TTLL11: variants seen among roughly 807,000 people sequenced by gnomAD.
The protein encoded by TTLL11 is tubulin polyglutamylase TTLL11.
In TTLL11, 42 loss-of-function variants were observed where a neutral mutation model predicts 51.7. The ratio of observed to expected loss-of-function variants is 0.81; its 90% CI spans 0.64 to 1.05. The LOEUF (loss-of-function observed/expected upper bound fraction) is 1.05. Ranked by LOEUF, TTLL11 falls within the 50% of genes least tolerant of loss-of-function variation. TTLL11 has a pLI of 0.00. For missense variants in TTLL11, 799 were observed against 940.4 expected, an observed-to-expected ratio of 0.85 and a Z score of 1.97; for synonymous variants, 381 against 383.5, an observed-to-expected ratio of 0.99 and a Z score of 0.08.
At position 121,967,857 on chromosome 9, in the gene TTLL11, C is replaced by T. The variant is rs148660325; in HGVS notation, c.1481+6152G>A. ...CACAAGCCACAACAAGGGTGAACTT[C>T]GAAAATATTATACTAAGTGAAAGAA... On this transcript the variant is annotated intron_variant, in intron 6 of 8. Coordinates refer to ENST00000321582, the MANE Select transcript of TTLL11 (RefSeq NM_001139442.2). Among the ~76,000 whole-genome samples the T allele has an allele frequency of 8.2e-4, 125 of 152,168 alleles. 1 individual carries two copies. Among genetic ancestry groups the T allele is most frequent in the Admixed American group, 4.1e-3 (63 of 15,288 alleles).
At chr9:122,014,061 G>A (rs1373386232) in intron 3 of TTLL11, among the ~76,000 whole-genome samples, 1 of 152,124 alleles carries the variant, frequency 6.6e-6, no homozygotes, top group Non-Finnish European at 1.5e-5. Context: ...CAGTGAAAAG[G>A]TAGAGTCCTG....
At chr9:121,860,785 C>T (rs1837982985) in intron 7 of TTLL11, among the ~76,000 whole-genome samples, 1 of 152,232 alleles carries the variant, frequency 6.6e-6, no homozygotes, top group Non-Finnish European at 1.5e-5. Flanking sequence ...TGATCTTGGT[C>T]TTCCCAGCCT....
At chr9:121,979,396 G>A (rs1221667619) in intron 4 of TTLL11, among the ~76,000 whole-genome samples, 2 of 152,168 alleles carry the variant, frequency 1.3e-5, no homozygotes, top group African/African-American at 4.8e-5. Context: ...GAGATAGTGG[G>A]TATTTGTTGT....
chr9:122,010,703 G>C (rs1296639514), intron 3 of TTLL11, among the ~76,000 whole-genome samples: 1 of 152,128 alleles, frequency 6.6e-6, no homozygotes, highest in Non-Finnish European at 1.5e-5. Context: ...GCTTTCCATG[G>C]GCATTTGAAT....
At chr9:121,900,190 G>A (rs1839719468) in intron 6 of TTLL11, among the ~76,000 whole-genome samples, 2 of 152,236 alleles carry the variant, frequency 1.3e-5, no homozygotes, top group South Asian at 4.2e-4. Context: ...CTTTAGTGAG[G>A]GTCTGTTGCT....
At chr9:121,950,229 G>A (rs528313638) in intron 6 of TTLL11, among the ~76,000 whole-genome samples, 1 of 152,170 alleles carries the variant, frequency 6.6e-6, no homozygotes, top group South Asian at 2.1e-4. Context: ...CTCCTCAAAT[G>A]ATGTTGGGAT....
chr9:121,867,423 G>C (rs1838212426), intron 7 of TTLL11, among the ~76,000 whole-genome samples: 1 of 152,114 alleles, frequency 6.6e-6, no homozygotes, highest in African/African-American at 2.4e-5. Flanking sequence ...GATGCTTCCT[G>C]CCTAACCTGT....
chr9:122,005,165 T>C (rs1843606580), intron 3 of TTLL11, among the ~76,000 whole-genome samples: 1 of 152,190 alleles, frequency 6.6e-6, no homozygotes. Flanking sequence ...TGCCCGTTTC[T>C]GAAGATGATC....
chr9:121,978,778 C>T (rs1341544722), intron 4 of TTLL11, among the ~76,000 whole-genome samples: 1 of 152,044 alleles, frequency 6.6e-6, no homozygotes, highest in African/African-American at 2.4e-5. Flanking sequence ...GCAAAGGTTC[C>T]AAACTACATC....
chr9:122,023,700 T>C (rs1399370983), intron 3 of TTLL11, among the ~76,000 whole-genome samples: 1 of 150,874 alleles, frequency 6.6e-6, no homozygotes, highest in East Asian at 1.9e-4. Flanking sequence ...ATCCATATGA[T>C]CATCTCAGTA....
chr9:121,855,477 C>T (rs1048208850), intron 8 of TTLL11, among the ~76,000 whole-genome samples: 3 of 152,022 alleles, frequency 2.0e-5, no homozygotes, highest in South Asian at 2.1e-4. Flanking sequence ...TATTTTTGTT[C>T]TTAAAGGTCT....
intron 1 of TTLL11, among the ~76,000 whole-genome samples, chr9:122,086,103 T>C (rs1846115607): frequency 6.6e-6 from 1 of 152,230 alleles, no homozygotes; most frequent in Admixed American, 6.5e-5. Flanking sequence ...CACAATACAC[T>C]GTATGTTTTA....
At chr9:121,997,751 C>T (rs532908904) in intron 3 of TTLL11, among the ~76,000 whole-genome samples, 1 of 152,270 alleles carries the variant, frequency 6.6e-6, no homozygotes, top group Admixed American at 6.5e-5. Context: ...GATCAGATTC[C>T]CAGGTGAGGC....
chr9:121,902,354 G>A (rs1180250248), intron 6 of TTLL11, among the ~76,000 whole-genome samples: 1 of 152,200 alleles, frequency 6.6e-6, no homozygotes, highest in African/African-American at 2.4e-5. Context: ...GTGCCATGAT[G>A]GAGGTGGTTT....
chr9:121,834,562 C>G (rs1837127675), intron 8 of TTLL11, among the ~76,000 whole-genome samples: 1 of 149,996 alleles, frequency 6.7e-6, no homozygotes, highest in Non-Finnish European at 1.5e-5. Context: ...GGCGCGGTGG[C>G]TCACGCCTGT....
chr9:122,031,637 C>T (rs573011450), intron 3 of TTLL11, 86 bp downstream of exon 3: 10 of 1,504,568 alleles, frequency 6.6e-6, no homozygotes, highest in African/African-American at 1.4e-5. Flanking sequence ...CTGGGACCCC[C>T]TGTCCCAGCT....
intron 1 of TTLL11, among the ~76,000 whole-genome samples, chr9:122,064,403 T>A (rs1845517352): frequency 6.6e-6 from 1 of 152,188 alleles, no homozygotes; most frequent in Admixed American, 6.5e-5. Flanking sequence ...TTGATTATAA[T>A]CCATTCTATT....
chr9:121,980,375 G>A (rs1408196412), intron 4 of TTLL11, among the ~76,000 whole-genome samples: 1 of 152,142 alleles, frequency 6.6e-6, no homozygotes, highest in Non-Finnish European at 1.5e-5. Flanking sequence ...CTCTTTCATA[G>A]TAAGGACTGA....
chr9:121,872,589 G>A (rs143900201), intron 6 of TTLL11, among the ~76,000 whole-genome samples: 8 of 152,282 alleles, frequency 5.3e-5, no homozygotes, highest in Non-Finnish European at 5.9e-5. Flanking sequence ...AACAACATGC[G>A]TGATAGCCCT....
Sources: gnomAD v4.1 joint callset for allele counts (sites outside exome capture counted in the v4.1 genomes callset) on GRCh38, gnomAD v4.1.1 for gene constraint, MANE v1.5 for transcripts, NCBI Gene and HGNC (gene_info 2026-07-23, HGNC 2026-07-21) for gene names.